JAG2: variants seen among roughly 807,000 people sequenced by gnomAD.
JAG2 encodes protein jagged-2.
A neutral mutation model predicts 141.7 loss-of-function variants in JAG2; 46 were observed. The ratio of observed to expected loss-of-function variants is 0.32; its 90% CI spans 0.26 to 0.42. The LOEUF (loss-of-function observed/expected upper bound fraction) is 0.42. JAG2 is among the 10% of genes least tolerant of loss of function. The pLI is 1.00. For synonymous variants in JAG2, 862 were observed against 763.5 expected (o/e 1.13, Z -2.13); for missense variants, 1,500 against 1,817.5 (o/e 0.83, Z 3.18).
In JAG2 at chr14:105,168,518, C is replaced by T. The variant is rs1333474117; in HGVS notation, c.-98G>A. 4 of 190,642 alleles carry T rather than the reference C, an allele frequency of 2.1e-5. No individual in the cohort carries two copies. Among genetic ancestry groups the T allele is most frequent in the Non-Finnish European group, 3.7e-5 (4 of 106,826 alleles). The allele number at this position is 190,642 out of a possible 1,614,324, so 11.8% of individuals were successfully genotyped here. A position where few individuals can be genotyped will look rare whatever the true frequency, so the allele number is the denominator to read the frequency against. On this transcript the variant is annotated 5_prime_UTR_variant, in exon 1 of 26. Coordinates refer to ENST00000331782, the MANE Select transcript of JAG2 (RefSeq NM_002226.5). Reference sequence around the variant, plus strand: ...CCAGCGCCCGCCCGCCCTCCGAGCGCCCGCAGAGGCAGCGGCAGCGGCAGA... The same window carrying T: ...CCAGCGCCCGCCCGCCCTCCGAGCGTCCGCAGAGGCAGCGGCAGCGGCAGA...
At chr14:105,158,077 G>A (rs1888630663) in intron 2 of JAG2, among the ~76,000 whole-genome samples, 1 of 152,214 alleles carries the variant, frequency 6.6e-6, no homozygotes, top group Non-Finnish European at 1.5e-5. Flanking sequence ...CAGGAAGAGC[G>A]ACCGGGGGGA....
intron 8 of JAG2, 111 bp downstream of exon 8, chr14:105,151,515 G>A (rs1436291657): frequency 6.8e-6 from 9 of 1,332,056 alleles, no homozygotes; most frequent in Middle Eastern, 1.8e-4. Flanking sequence ...CAAGCCAGCC[G>A]CAGCCACACG....
In JAG2 at chr14:105,149,049, A is replaced by G. The variant is rs1888324568; in HGVS notation, c.1794T>C (p.Pro598=). 1.2e-6 allele frequency: 2 copies of G among 1,609,048 alleles called. No individual in the cohort carries two copies. Among genetic ancestry groups the G allele is most frequent in the African/African-American group, 1.3e-5 (1 of 74,960 alleles). ...CACACACGCCGGAGGCTGCTGTGCC[A>G]GGCATCCCAGGCCCCGCGTCTGACC... The part of the protein sequence containing the change: ...GCGSDAGPGM[P]GTAASGVCGP... The change falls in exon 14 of 26, where the codon CCT becomes CCC. Residue 598 remains proline (P), a synonymous_variant. Coordinates refer to ENST00000331782, the MANE Select transcript of JAG2 (RefSeq NM_002226.5).
chr14:105,142,989 C>T lies in JAG2; in HGVS notation c.3423G>A (p.Pro1141=), dbSNP rs138779386. The change falls in exon 26 of 26, where the codon CCG becomes CCA. Residue 1141 remains proline (P), a synonymous_variant. Coordinates refer to ENST00000331782, the MANE Select transcript of JAG2 (RefSeq NM_002226.5). ...GGTAGAGCACGTCCTTGTGGCCCCC[C>T]GGCCGCTCAATGGGGTTGCGGATGG... ...LNPIRNPIER[P]GGHKDVLYQC... 7.0e-5 allele frequency: 113 copies of T among 1,609,472 alleles called. No individual in the cohort carries two copies. In the African/African-American group the frequency reaches 9.1e-4, roughly 13 times the overall value.
At chr14:105,145,593 G>A (rs1595172980) in intron 23 of JAG2, 138 bp downstream of exon 23, 1 of 1,155,688 alleles carries the variant, frequency 8.7e-7, no homozygotes, top group East Asian at 2.6e-5. Context: ...TGACCCCACA[G>A]GGCCACTCTC....
At position 105,167,206 on chromosome 14, in the gene JAG2, G is replaced by A. The variant is rs1023524768; in HGVS notation, c.417+551C>T. Among the ~76,000 whole-genome samples the A allele has an allele frequency of 1.1e-4, 16 of 152,228 alleles. No homozygotes were observed. Among genetic ancestry groups the A allele is most frequent in the African/African-American group, 3.6e-4 (15 of 41,476 alleles). ...CACTGCACCAGGATCCACTATCTCT[G>A]TCTCTGAACGATCTTGGGTCACCAT... is the stretch of plus-strand genomic sequence containing the variant. On this transcript the variant is annotated intron_variant, in intron 2 of 25. Coordinates refer to ENST00000331782, the MANE Select transcript of JAG2 (RefSeq NM_002226.5). This position sits in a 1 kb window ranked among gnomAD's most constrained non-coding sequence, Gnocchi z 4.8.
intron 4 of JAG2, 42 bp downstream of exon 4, chr14:105,155,696 G>GAGGCCCTCCCTGCCCT (rs1566766311): frequency 1.9e-6 from 3 of 1,612,298 alleles, no homozygotes; most frequent in Non-Finnish European, 2.5e-6. Flanking sequence ...GGCCCTGCCC[G>GAGGCCCTCCCTGCCCT]AGGCCCTCCC....
chr14:105,157,642 C>T, intron 3 of JAG2, 64 bp downstream of exon 3: 1 of 1,381,782 alleles, frequency 7.2e-7, no homozygotes, highest in Non-Finnish European at 1.0e-6. Context: ...GACAGAGGAG[C>T]TGGGCCCTGC....
chr14:105,151,518 G>C, intron 8 of JAG2, 108 bp downstream of exon 8: 12 of 1,336,678 alleles, frequency 9.0e-6, no homozygotes, highest in Non-Finnish European at 1.3e-5. Context: ...GCCAGCCGCA[G>C]CCACACGTGT....
At chr14:105,150,495 A>G in intron 12 of JAG2, 109 bp downstream of exon 12, 1 of 1,190,450 alleles carries the variant, frequency 8.4e-7, no homozygotes, top group Non-Finnish European at 1.2e-6. Flanking sequence ...CTTGGGGACA[A>G]CTTCCCCTGC....
chr14:105,143,016 G>A lies in JAG2; in HGVS notation c.3396C>T (p.Asn1132=), dbSNP rs1205999116. The A allele has an allele frequency of 7.5e-6, 12 of 1,606,552 alleles. 1 individual carries two copies. The South Asian group carries it at 1.3e-4, about 18-fold the overall frequency. Reference sequence around the variant, plus strand: ...GCCGCTCAATGGGGTTGCGGATGGGGTTGAGCGGGGCCCACTGGTTGTTGG... The same window carrying A: ...GCCGCTCAATGGGGTTGCGGATGGGATTGAGCGGGGCCCACTGGTTGTTGG... ...ESANNQWAPL[N]PIRNPIERPG... Residue 1132 remains asparagine (N), a synonymous_variant, in exon 26 of 26, where the codon AAC becomes AAT. Coordinates refer to ENST00000331782, the MANE Select transcript of JAG2 (RefSeq NM_002226.5).
rs972371976 is a variant in JAG2 at position 105,167,651 on chromosome 14, G to A, written c.417+106C>T. ...GCCCCGCCCCGCCTGGGCGCGCGCG[G>A]CTCGCACGCAGACCCGGCCGCAGGT... is the stretch of plus-strand genomic sequence containing the variant. On this transcript the variant is annotated intron_variant, in intron 2 of 25. Transcript: ENST00000331782. The surrounding 1 kb of genome is among the most constrained non-coding windows in gnomAD (Gnocchi z 4.8). 8.4e-6 allele frequency: 10 copies of A among 1,187,656 alleles called. No individual in the cohort carries two copies. Among genetic ancestry groups the A allele is most frequent in the African/African-American group, 6.4e-5 (4 of 62,044 alleles). The allele number at this position is 1,187,656 out of a possible 1,614,324, so 73.6% of individuals were successfully genotyped here.
rs1468570609 is a variant in JAG2, at chr14:105,167,309, C to G, written c.417+448G>C. Among the ~76,000 whole-genome samples, 1 of 152,114 alleles carries G rather than the reference C, an allele frequency of 6.6e-6. No individual in the cohort carries two copies. Among genetic ancestry groups the G allele is most frequent in the Admixed American group, 6.5e-5 (1 of 15,290 alleles). On this transcript the variant is annotated intron_variant, in intron 2 of 25. Transcript: ENST00000331782. This position sits in a 1 kb window ranked among gnomAD's most constrained non-coding sequence, Gnocchi z 4.8. ...TCCCACGGCGCCCGCCCGTGCCCCC[C>G]AGGCATCCAGGAAACTGCAGGGCAG...
In JAG2 at chr14:105,149,359, G is replaced by A. The variant is rs201695814; in HGVS notation, c.1603-39C>T. ...GGTGCCTGTGAGAGCCTAGGCCCAG[G>A]CCCAGGCCGGGAACACAGGCCAGGC... On this transcript the variant is annotated intron_variant, in intron 12 of 25. Transcript: ENST00000331782. 9.1e-5 allele frequency: 146 copies of A among 1,611,992 alleles called. 1 individual carries two copies. The East Asian group carries it at 3.0e-3, about 33-fold the overall frequency.
At chr14:105,146,528 G>C in intron 21 of JAG2, 28 bp from the exon 22 acceptor site, 3 of 1,608,358 alleles carry the variant, frequency 1.9e-6, no homozygotes, top group Non-Finnish European at 2.6e-6. Flanking sequence ...TCGAGGGTCA[G>C]CAGTGGGCAT....
rs1888331742 is a variant in JAG2 at position 105,149,180 on chromosome 14, C to T, written c.1743G>A (p.Gly581=). 1.2e-6 allele frequency: 2 copies of T among 1,611,484 alleles called. No individual in the cohort carries two copies. Among genetic ancestry groups the T allele is most frequent in the Non-Finnish European group, 8.5e-7 (1 of 1,179,714 alleles). Reference sequence around the variant, plus strand: ...TGCCGCACCCAGCACCTCTGCAGGCCCCGCCAGGGCACGGCTCGCGGGGCA... The same window carrying T: ...TGCCGCACCCAGCACCTCTGCAGGCTCCGCCAGGGCACGGCTCGCGGGGCA... ...CSVPREPCPG[G]ACRVIDGCGS... is the part of the protein sequence containing the mutation. Residue 581 remains glycine, a synonymous_variant, in exon 13 of 26, where the codon GGG becomes GGA. Transcript: ENST00000331782.
chr14:105,157,768 A>G lies in JAG2; in HGVS notation c.418-5T>C. The stretch of plus-strand genomic sequence containing the variant: ...CACGATGAGGGTAAAGGAGCGCTGC[A>G]GACATGGGGAGGCGGGTCAGGTACC... On this transcript the variant is annotated splice_region_variant and splice_polypyrimidine_tract_variant and intron_variant, in intron 2 of 25. Transcript: ENST00000331782. 1 of 1,573,776 alleles carries G rather than the reference A, an allele frequency of 6.4e-7. No individual in the cohort carries two copies. The highest frequency in any genetic ancestry group is 8.6e-7 in the Non-Finnish European group (1 of 1,161,524).
chr14:105,142,501 T>C lies in JAG2; in HGVS notation c.*194A>G. The C allele has an allele frequency of 1.7e-6, 1 of 587,798 alleles. No homozygotes were observed. Among genetic ancestry groups the C allele is most frequent in the Non-Finnish European group, 3.0e-6 (1 of 331,982 alleles). 36.4% of individuals were successfully genotyped at this position (587,798 alleles called of 1,614,324 possible). A position where few individuals can be genotyped will look rare whatever the true frequency, so the allele number is the denominator to read the frequency against. On this transcript the variant is annotated 3_prime_UTR_variant, in exon 26 of 26. Coordinates refer to ENST00000331782, the MANE Select transcript of JAG2 (RefSeq NM_002226.5). ...TAGCAACTATCCGAGAATACTCCAT[T>C]GTTTTCAGCCTGACAGTTACTGAAT... is the stretch of plus-strand genomic sequence containing the variant.
In JAG2 at chr14:105,149,438, G is replaced by T. The variant is rs1257655329; in HGVS notation, c.1603-118C>A. 3.2e-5 allele frequency: 41 copies of T among 1,261,748 alleles called. No individual in the cohort carries two copies. The Middle Eastern group carries it at 7.4e-4, about 23-fold the overall frequency. The allele number at this position is 1,261,748 out of a possible 1,614,324, so 78.2% of individuals were successfully genotyped here. A position where few individuals can be genotyped will look rare whatever the true frequency, so the allele number is the denominator to read the frequency against. ...GGACCCCCAGGCCCCTCCGCCCTGG[G>T]CCTAACAGTGCCAGCCAGAGCCCAA... On this transcript the variant is annotated intron_variant, in intron 12 of 25. Transcript: ENST00000331782.
Sources: allele counts gnomAD v4.1 joint callset (sites outside exome capture counted in the v4.1 genomes callset), GRCh38; gene constraint gnomAD v4.1.1; non-coding constraint Gnocchi (gnomAD v3.1); transcripts MANE v1.5; gene names NCBI Gene and HGNC (gene_info 2026-07-23, HGNC 2026-07-21).